The following CNBD1 variants were observed in gnomAD, a reference collection of about 807,000 sequenced individuals.
The protein encoded by CNBD1 is cyclic nucleotide binding domain containing 1, also known as cyclic nucleotide-binding domain-containing protein 1.
Under a neutral mutation model 54.4 loss-of-function variants are expected in CNBD1, and 71 were observed. That is an observed-to-expected ratio of 1.30 (90% CI 1.08 to 1.59). The LOEUF (loss-of-function observed/expected upper bound fraction) is 1.59. CNBD1 is among the 40% of genes most tolerant of loss of function. CNBD1 has a pLI of 0.00. For synonymous variants in CNBD1, 182 were observed against 170.7 expected (o/e 1.07, Z -0.51); for missense variants, 659 against 518.0 (o/e 1.27, Z -2.64).
Position 87,091,894 on chromosome 8 carries a change from C to A in CNBD1, c.432-114099C>A, listed in dbSNP as rs76308693. ...TAGGACATGTGTGTCTATAAGTATA[C>A]CTATAAATATGCGTAGGAAAAAGTC... is the stretch of plus-strand genomic sequence containing the variant. On this transcript the variant is annotated intron_variant, in intron 4 of 10. Transcript: ENST00000518476. Among the ~76,000 whole-genome samples the A allele has an allele frequency of 6.6e-4, 100 of 152,010 alleles. 1 individual carries two copies. Among genetic ancestry groups the A allele is most frequent in the Middle Eastern group, 3.4e-3 (1 of 294 alleles).
intron 8 of CNBD1, among the ~76,000 whole-genome samples, chr8:87,338,804 T>G (rs2130917014): frequency 6.6e-6 from 1 of 152,256 alleles, no homozygotes; most frequent in African/African-American, 2.4e-5. Flanking sequence ...TCTTGTAATT[T>G]TTCTTTGTAG....
chr8:87,053,419 A>G (rs1438678245), intron 4 of CNBD1, among the ~76,000 whole-genome samples: 1 of 152,204 alleles, frequency 6.6e-6, no homozygotes, highest in East Asian at 1.9e-4. Context: ...TGTACTTGAG[A>G]GGAGTGCAGG....
At chr8:87,180,354 A>G (rs1321932675) in intron 4 of CNBD1, among the ~76,000 whole-genome samples, 2 of 152,152 alleles carry the variant, frequency 1.3e-5, no homozygotes, top group African/African-American at 4.8e-5. Flanking sequence ...CCTTTTACTC[A>G]ATTATGACTT....
At chr8:87,365,158 AT>A in intron 10 of CNBD1, among the ~76,000 whole-genome samples, 1 of 151,838 alleles carries the variant, frequency 6.6e-6, no homozygotes, top group Non-Finnish European at 1.5e-5. Flanking sequence ...AGCATCTGTT[AT>A]TTTTTACTTT....
intron 4 of CNBD1, among the ~76,000 whole-genome samples, chr8:87,088,910 C>T (rs1338345289): frequency 6.6e-6 from 1 of 151,976 alleles, no homozygotes; most frequent in East Asian, 1.9e-4. Context: ...ATGGCATGAA[C>T]ATATAAATAA....
intron 10 of CNBD1, among the ~76,000 whole-genome samples, chr8:87,381,164 A>G (rs139795043): frequency 1.8e-3 from 270 of 152,186 alleles, no homozygotes; most frequent in African/African-American, 5.8e-3. Flanking sequence ...TCCAAAATAT[A>G]TAAGACAATA....
chr8:87,304,387 C>T (rs1364637532), intron 8 of CNBD1, among the ~76,000 whole-genome samples: 1 of 151,196 alleles, frequency 6.6e-6, no homozygotes, highest in South Asian at 2.1e-4. Context: ...ATCACAAGGA[C>T]AAAAAACCAA....
chr8:87,391,816 A>G (rs1163751111), intron 2 of CNBD1, among the ~76,000 whole-genome samples: 1 of 152,104 alleles, frequency 6.6e-6, no homozygotes, highest in Non-Finnish European at 1.5e-5. Context: ...CCCAACCAAA[A>G]AATGAAACAA....
chr8:87,215,436 A>C (rs995953623), intron 5 of CNBD1, among the ~76,000 whole-genome samples: 27 of 151,986 alleles, frequency 1.8e-4, no homozygotes, highest in African/African-American at 5.8e-4. Flanking sequence ...AAAATACAAA[A>C]AATTAGCTGG....
intron 4 of CNBD1, among the ~76,000 whole-genome samples, chr8:87,009,155 A>T (rs937254787): frequency 6.6e-6 from 1 of 152,100 alleles, no homozygotes; most frequent in Non-Finnish European, 1.5e-5. Flanking sequence ...TCTATGATAA[A>T]TTAGTGCCTT....
At position 87,185,987 on chromosome 8, in the gene CNBD1, G is replaced by T. The variant is rs1216484136; in HGVS notation, c.432-20006G>T. 2.6e-5 allele frequency among the ~76,000 whole-genome samples: 4 copies of T among 151,988 alleles called. No homozygotes were observed. In the East Asian group the frequency reaches 5.8e-4, roughly 22 times the overall value. ...GAAATCATAGTTTTTAACTTTATTT[G>T]TTCCTCGTTTCCAAGGTTTACTGTT... On this transcript the variant is annotated intron_variant, in intron 4 of 10. Transcript: ENST00000518476.
intron 6 of CNBD1, among the ~76,000 whole-genome samples, chr8:87,274,172 G>T (rs886257839): frequency 6.6e-6 from 1 of 151,564 alleles, no homozygotes; most frequent in African/African-American, 2.4e-5. Context: ...GTCTATCATT[G>T]TTGGACATTT....
At chr8:86,976,530 T>G (rs1415501587) in intron 4 of CNBD1, among the ~76,000 whole-genome samples, 1 of 151,976 alleles carries the variant, frequency 6.6e-6, no homozygotes, top group Non-Finnish European at 1.5e-5. Context: ...TCTTTTGTAA[T>G]TCCACATAAA....
chr8:87,387,601 T>A (rs1811217012), downstream of CNBD1, among the ~76,000 whole-genome samples: 1 of 152,192 alleles, frequency 6.6e-6, no homozygotes, highest in African/African-American at 2.4e-5. Flanking sequence ...CCCAGGTTCA[T>A]AAAGCAAGTC....
intron 10 of CNBD1, among the ~76,000 whole-genome samples, chr8:87,367,891 G>C (rs1167508009): frequency 6.6e-6 from 1 of 152,086 alleles, no homozygotes; most frequent in Non-Finnish European, 1.5e-5. Context: ...GAATATGTTG[G>C]CCGGGAGTGG....
intron 4 of CNBD1, among the ~76,000 whole-genome samples, chr8:87,191,693 C>T (rs1025742736): frequency 6.6e-6 from 1 of 152,096 alleles, no homozygotes; most frequent in African/African-American, 2.4e-5. Flanking sequence ...TTAGTCATTG[C>T]TGTATGTGCA....
At chr8:87,384,765 G>C (rs1041653542), downstream of CNBD1, among the ~76,000 whole-genome samples, 1 of 152,124 alleles carries the variant, frequency 6.6e-6, no homozygotes, top group Admixed American at 6.6e-5. Flanking sequence ...CCTGAAGGAA[G>C]TGAAAGGTCA....
intron 4 of CNBD1, among the ~76,000 whole-genome samples, chr8:87,018,477 A>G (rs532092942): frequency 1.1e-3 from 167 of 152,288 alleles, no homozygotes; most frequent in Admixed American, 2.7e-3. Context: ...AAATTAAATC[A>G]TTATTTCTTG....
At chr8:87,351,941 G>A (rs1212066856) in intron 9 of CNBD1, 147 bp downstream of exon 9, 10 of 782,248 alleles carry the variant, frequency 1.3e-5, no homozygotes, top group Non-Finnish European at 1.8e-5. Flanking sequence ...GTTTGTTTTT[G>A]GTTTAGTTAT....
Sources: gnomAD v4.1 joint callset for allele counts (sites outside exome capture counted in the v4.1 genomes callset) on GRCh38, gnomAD v4.1.1 for gene constraint, MANE v1.5 for transcripts, NCBI Gene and HGNC (gene_info 2026-07-23, HGNC 2026-07-21) for gene names.